Variants in RNF111 observed in about 807,000 individuals in gnomAD.
RNF111 encodes the protein ring finger protein 111.
Under a neutral mutation model 95.1 loss-of-function variants are expected in RNF111, and 17 were observed. The ratio of observed to expected loss-of-function variants is 0.18; its 90% CI spans 0.12 to 0.27. RNF111 has a LOEUF of 0.27. Ranked by LOEUF, RNF111 falls within the 10% of genes least tolerant of loss-of-function variation. RNF111 has a pLI of 1.00. For missense variants in RNF111, 1,189 were observed against 1,210.4 expected, an observed-to-expected ratio of 0.98 and a Z score of 0.26; for synonymous variants, 440 against 414.8, an observed-to-expected ratio of 1.06 and a Z score of -0.74.
chr15:59,076,961 G>A (rs768002917), intron 7 of RNF111, among the ~76,000 whole-genome samples: 2 of 152,094 alleles, frequency 1.3e-5, no homozygotes, highest in Non-Finnish European at 2.9e-5. Context: ...TATCTTCTTG[G>A]ATTTTTTCTT....
chr15:59,086,854 G>T (rs530755473), intron 10 of RNF111, among the ~76,000 whole-genome samples: 1 of 152,272 alleles, frequency 6.6e-6, no homozygotes, highest in East Asian at 1.9e-4. Context: ...TCAAATTTAT[G>T]ATTTTAGAGT....
At chr15:59,091,262 A>C (rs2079044403) in intron 12 of RNF111, 108 bp downstream of exon 12, 2 of 573,926 alleles carry the variant, frequency 3.5e-6, no homozygotes, top group Admixed American at 6.8e-5. Flanking sequence ...TATTGAAGTA[A>C]TGCATACATA....
chr15:59,083,091 C>G (rs923709441), intron 8 of RNF111, among the ~76,000 whole-genome samples: 13 of 151,652 alleles, frequency 8.6e-5, no homozygotes, highest in Non-Finnish European at 1.5e-4. Flanking sequence ...CAGGGTTACA[C>G]TGAGCTATGA....
chr15:59,044,070 G>A (rs992650447), intron 2 of RNF111, among the ~76,000 whole-genome samples: 13 of 152,010 alleles, frequency 8.6e-5, no homozygotes, highest in African/African-American at 1.9e-4. Context: ...CGCTTTTGCC[G>A]CCCAGGCTGG....
Position 59,031,488 on chromosome 15 carries a change from A to C in RNF111, c.666A>C (p.Ser222=). 1 of 1,614,172 alleles carries C rather than the reference A, an allele frequency of 6.2e-7. No homozygotes were observed. Among genetic ancestry groups the C allele is most frequent in the Non-Finnish European group, 8.5e-7 (1 of 1,180,006 alleles). The part of the protein sequence containing the change: ...CRKRFVKNNS[S]QRTQKQKERI... ...AGAGATTTGTAAAAAATAATTCCTC[A>C]CAGAGGACACAGAAACAAAAAGAGA... The change falls in exon 2 of 14, where the codon TCA becomes TCC. Residue 222 remains serine, a synonymous_variant. Coordinates refer to ENST00000348370, the MANE Select transcript of RNF111 (RefSeq NM_017610.8).
intron 1 of RNF111, among the ~76,000 whole-genome samples, chr15:59,018,992 C>T (rs2040201821): frequency 6.6e-6 from 1 of 152,036 alleles, no homozygotes. Flanking sequence ...GGTAAGACCT[C>T]AGCTCACTGC....
chr15:59,066,235 GA>G (rs2042649523), intron 5 of RNF111, among the ~76,000 whole-genome samples: 2 of 152,206 alleles, frequency 1.3e-5, no homozygotes, highest in African/African-American at 4.8e-5. Context: ...CAGTAAATAT[GA>G]GCCTCCTGAA....
chr15:59,035,203 C>T (rs6494058), intron 2 of RNF111, among the ~76,000 whole-genome samples: 5,530 of 152,220 alleles, frequency 0.036, 174 homozygotes, highest in African/African-American at 0.085. Flanking sequence ...TGGCCCTGTC[C>T]ATGACACGTG....
chr15:59,056,274 A>G (rs1203064510), intron 4 of RNF111, among the ~76,000 whole-genome samples: 10 of 152,194 alleles, frequency 6.6e-5, no homozygotes, highest in African/African-American at 2.4e-4. Flanking sequence ...TTATCCTTCA[A>G]TATTATCGGT....
rs2042178745 is a variant in RNF111, at chr15:59,055,790, A to G, written c.1116A>G (p.Ile372Met). 1.2e-6 allele frequency: 2 copies of G among 1,613,934 alleles called. No homozygotes were observed. Among genetic ancestry groups the G allele is most frequent in the Non-Finnish European group, 1.7e-6 (2 of 1,179,964 alleles). Reference protein sequence around the residue: ...PRNRSRISTVIQPLRQNAAEV... With the variant: ...PRNRSRISTVMQPLRQNAAEV... ...ACCGCAGTAGGATTTCTACTGTTATACAGCCCTTGAGGCAGAATGCAGCAG... is the reference window on the plus strand; with the variant it reads ...ACCGCAGTAGGATTTCTACTGTTATGCAGCCCTTGAGGCAGAATGCAGCAG... Residue 372 changes from isoleucine (I) to methionine (M), a missense_variant, in exon 4 of 14, where the codon ATA becomes ATG. Coordinates refer to ENST00000348370, the MANE Select transcript of RNF111 (RefSeq NM_017610.8).
chr15:59,079,664 T>G (rs1332043374), intron 7 of RNF111, among the ~76,000 whole-genome samples: 1 of 152,120 alleles, frequency 6.6e-6, no homozygotes, highest in Non-Finnish European at 1.5e-5. Context: ...ACTTTTTTTT[T>G]TTTTTTACAT....
At chr15:59,092,270 G>A (rs1392407888) in intron 12 of RNF111, among the ~76,000 whole-genome samples, 2 of 152,110 alleles carry the variant, frequency 1.3e-5, no homozygotes, top group African/African-American at 4.8e-5. Context: ...TCTCATTGTG[G>A]ATTAAAAGTA....
rs534449809 is a variant in RNF111 at position 59,036,676 on chromosome 15, C to A, written c.880+4974C>A. Among the ~76,000 whole-genome samples the A allele has an allele frequency of 2.6e-4, 39 of 152,150 alleles. No homozygotes were observed. In the South Asian group the frequency reaches 7.7e-3, roughly 30 times the overall value. On this transcript the variant is annotated intron_variant, in intron 2 of 13. Transcript: ENST00000348370. ...GGGTGGGGACAAAGCCAAACCATAT[C>A]GGTGCATCAATATTTATTGGCTATT...
intron 1 of RNF111, among the ~76,000 whole-genome samples, chr15:59,011,127 A>G (rs769341708): frequency 2.6e-5 from 4 of 152,180 alleles, no homozygotes; most frequent in Non-Finnish European, 4.4e-5. Context: ...CATTAATTAT[A>G]TAGTTTATTC....
At chr15:59,088,574 CAG>C (rs1391780918) in intron 10 of RNF111, among the ~76,000 whole-genome samples, 2 of 152,046 alleles carry the variant, frequency 1.3e-5, no homozygotes, top group South Asian at 2.1e-4. Context: ...AAAGTAATGT[CAG>C]AGATTTATTT....
chr15:58,994,501 G>A (rs1165848634), intron 1 of RNF111, among the ~76,000 whole-genome samples: 3 of 131,640 alleles, frequency 2.3e-5, no homozygotes, highest in Non-Finnish European at 3.1e-5. Context: ...TTTTTGAGGT[G>A]GAGTCTCGCT....
rs1310299844 is a variant in RNF111 at position 59,095,074 on chromosome 15, T to A, written c.*174T>A. On this transcript the variant is annotated 3_prime_UTR_variant, in exon 14 of 14. Transcript: ENST00000348370. Reference sequence around the variant, plus strand: ...CTACAGTTTATGTATACAGTTGATTTTGATGTATTTATAAAAGCTTTTTTT... The same window carrying A: ...CTACAGTTTATGTATACAGTTGATTATGATGTATTTATAAAAGCTTTTTTT... 1.7e-6 allele frequency: 1 copy of A among 589,962 alleles called. No homozygotes were observed. The highest frequency in any genetic ancestry group is 2.0e-5 in the African/African-American group (1 of 50,668). 36.5% of individuals were successfully genotyped at this position (589,962 alleles called of 1,614,324 possible).
chr15:58,988,891 C>T (rs2038686687), intron 1 of RNF111, among the ~76,000 whole-genome samples: 3 of 152,176 alleles, frequency 2.0e-5, no homozygotes, highest in Non-Finnish European at 4.4e-5. Context: ...CTGACATAGA[C>T]TACGTTTTGT....
chr15:59,054,229 G>A (rs1281895646), intron 3 of RNF111, among the ~76,000 whole-genome samples: 2 of 152,112 alleles, frequency 1.3e-5, no homozygotes, highest in Non-Finnish European at 2.9e-5. Context: ...GAGCCACCAC[G>A]CCTGGCCTGG....
Sources: gnomAD v4.1 joint callset for allele counts (sites outside exome capture counted in the v4.1 genomes callset) on GRCh38, gnomAD v4.1.1 for gene constraint, MANE v1.5 for transcripts, NCBI Gene and HGNC (gene_info 2026-07-23, HGNC 2026-07-21) for gene names.